SLC24A4: variants seen among roughly 807,000 people sequenced by gnomAD.
SLC24A4 encodes the protein solute carrier family 24 member 4, also known as sodium/potassium/calcium exchanger 4.
Under a neutral mutation model 79.0 loss-of-function variants are expected in SLC24A4, and 53 were observed. That is an observed-to-expected ratio of 0.67 (90% CI 0.54 to 0.84). The LOEUF is 0.84. Among genes scored for constraint, SLC24A4 ranks in the 40% least tolerant of loss-of-function variants. The pLI is 0.00. For synonymous variants in SLC24A4, 323 were observed against 323.8 expected (o/e 1.00, Z 0.03); for missense variants, 731 against 822.0 (o/e 0.89, Z 1.35).
chr14:92,442,013 C>A, intron 4 of SLC24A4, 76 bp from the exon 5 acceptor site: 1 of 1,199,070 alleles, frequency 8.3e-7, no homozygotes, highest in Non-Finnish European at 1.2e-6. Context: ...CTGCATGCTC[C>A]TTGGCTGTAG....
At chr14:92,417,665 G>A (rs1350718732) in intron 2 of SLC24A4, among the ~76,000 whole-genome samples, 1 of 152,184 alleles carries the variant, frequency 6.6e-6, no homozygotes, top group Non-Finnish European at 1.5e-5. Context: ...TCCATTTGTG[G>A]TAAGTGCCCT....
At chr14:92,433,870 C>A (rs1311736944) in intron 2 of SLC24A4, 42 bp from the exon 3 acceptor site, 2 of 1,546,858 alleles carry the variant, frequency 1.3e-6, no homozygotes, top group Non-Finnish European at 1.8e-6. Context: ...GTCGGGAGGC[C>A]CATAGATAAC....
intron 12 of SLC24A4, among the ~76,000 whole-genome samples, chr14:92,469,937 C>T (rs1346694337): frequency 6.6e-6 from 1 of 152,192 alleles, no homozygotes; most frequent in Non-Finnish European, 1.5e-5. Flanking sequence ...CCGCTAATGG[C>T]TAGGGGTTTC....
intron 2 of SLC24A4, among the ~76,000 whole-genome samples, chr14:92,341,476 A>G (rs1886138761): frequency 6.6e-6 from 1 of 152,212 alleles, no homozygotes; most frequent in Non-Finnish European, 1.5e-5. Flanking sequence ...TGGAGTAGAT[A>G]GAATGACTTA....
At chr14:92,373,816 A>G (rs1888342597) in intron 2 of SLC24A4, among the ~76,000 whole-genome samples, 1 of 152,238 alleles carries the variant, frequency 6.6e-6, no homozygotes, top group African/African-American at 2.4e-5. Flanking sequence ...ATTCCAAACA[A>G]GTATAAAATT....
chr14:92,360,794 G>A (rs1018524354), intron 2 of SLC24A4, among the ~76,000 whole-genome samples: 8 of 152,150 alleles, frequency 5.3e-5, no homozygotes, highest in African/African-American at 1.9e-4. Context: ...CGACAAACTC[G>A]GTCCCTGGAT....
intron 2 of SLC24A4, among the ~76,000 whole-genome samples, chr14:92,330,567 T>A (rs891091963): frequency 6.6e-6 from 1 of 152,224 alleles, no homozygotes; most frequent in South Asian, 2.1e-4. Flanking sequence ...TAGAGAACTA[T>A]CTGAGCTCAG....
intron 2 of SLC24A4, among the ~76,000 whole-genome samples, chr14:92,362,616 C>T (rs980707660): frequency 7.2e-5 from 11 of 152,092 alleles, no homozygotes; most frequent in East Asian, 5.8e-4. Flanking sequence ...TAGGAGCTGC[C>T]GGGGGATGGA....
chr14:92,393,642 C>G (rs960051497), intron 2 of SLC24A4, among the ~76,000 whole-genome samples: 1 of 149,492 alleles, frequency 6.7e-6, no homozygotes, highest in African/African-American at 2.5e-5. Context: ...CTCCCAGACT[C>G]AAGTGATCCT....
At chr14:92,469,426 A>G (rs12897398) in intron 12 of SLC24A4, among the ~76,000 whole-genome samples, 101,947 of 151,276 alleles carry the variant, frequency 0.67, 35,476 homozygotes, top group Non-Finnish European at 0.76. Context: ...GGAGAATGGC[A>G]TGAACCCGGG....
chr14:92,444,922 T>TAC (rs1368561122), intron 7 of SLC24A4, among the ~76,000 whole-genome samples: 7 of 77,008 alleles, frequency 9.1e-5, no homozygotes, highest in African/African-American at 1.4e-4. Context: ...ACACCCTATA[T>TAC]ACACACACAT....
chr14:92,373,302 C>T (rs8006696), intron 2 of SLC24A4, among the ~76,000 whole-genome samples: 14,882 of 152,098 alleles, frequency 0.098, 1,838 homozygotes, highest in African/African-American at 0.3. Context: ...CCTCAGCCTC[C>T]CAAACTGCTG....
intron 2 of SLC24A4, among the ~76,000 whole-genome samples, chr14:92,327,201 A>G (rs915668789): frequency 2.0e-5 from 3 of 152,094 alleles, no homozygotes; most frequent in Non-Finnish European, 4.4e-5. Context: ...TACTGTTTTT[A>G]TGCTATCAGC....
intron 2 of SLC24A4, among the ~76,000 whole-genome samples, chr14:92,421,864 C>A (rs572408113): frequency 6.6e-6 from 1 of 152,034 alleles, no homozygotes; most frequent in Non-Finnish European, 1.5e-5. Flanking sequence ...AGCAAATTGA[C>A]TAAAACATTT....
intron 2 of SLC24A4, among the ~76,000 whole-genome samples, chr14:92,378,701 A>G (rs1017082992): frequency 6.6e-6 from 1 of 152,208 alleles, no homozygotes; most frequent in Non-Finnish European, 1.5e-5. Flanking sequence ...AAAGTTTTCA[A>G]TCAATGTATT....
At chr14:92,465,636 C>T (rs1214323862) in intron 12 of SLC24A4, among the ~76,000 whole-genome samples, 1 of 152,184 alleles carries the variant, frequency 6.6e-6, no homozygotes, top group Non-Finnish European at 1.5e-5. Context: ...CTTCCCTCCC[C>T]ACGAGGGCAG....
At chr14:92,347,325 G>A (rs1169200279) in intron 2 of SLC24A4, among the ~76,000 whole-genome samples, 2 of 152,210 alleles carry the variant, frequency 1.3e-5, no homozygotes, top group East Asian at 1.9e-4. Context: ...GGAGACTGGT[G>A]TGTCCATTCG....
intron 2 of SLC24A4, among the ~76,000 whole-genome samples, chr14:92,428,321 C>G (rs1229636989): frequency 6.6e-6 from 1 of 152,150 alleles, no homozygotes; most frequent in African/African-American, 2.4e-5. Context: ...ACTTCACATG[C>G]AGAACCCTAG....
At chr14:92,432,635 T>G (rs1891938869) in intron 2 of SLC24A4, among the ~76,000 whole-genome samples, 1 of 152,140 alleles carries the variant, frequency 6.6e-6, no homozygotes, top group African/African-American at 2.4e-5. Flanking sequence ...TTAAAGAAGT[T>G]TGATTACAAA....
Sources: allele counts gnomAD v4.1 joint callset (sites outside exome capture counted in the v4.1 genomes callset), GRCh38; gene constraint gnomAD v4.1.1; transcripts MANE v1.5; gene names NCBI Gene and HGNC (gene_info 2026-07-23, HGNC 2026-07-21).